The following ASAP1 variants were observed in gnomAD, a reference collection of about 807,000 sequenced individuals.
ASAP1 encodes arf-GAP with SH3 domain, ANK repeat and PH domain-containing protein 1.
A neutral mutation model predicts 145.2 loss-of-function variants in ASAP1; 43 were observed. That is an observed-to-expected ratio of 0.30 (90% CI 0.23 to 0.38). The LOEUF (loss-of-function observed/expected upper bound fraction) is 0.38. Ranked by LOEUF, ASAP1 falls within the 10% of genes least tolerant of loss-of-function variation. ASAP1 has a pLI of 1.00. For missense variants in ASAP1, 1,018 were observed against 1,355.3 expected (o/e 0.75, Z 3.91); for synonymous variants, 546 against 515.5 (o/e 1.06, Z -0.80).
chr8:130,139,574 C>T (rs1436634110), intron 13 of ASAP1, among the ~76,000 whole-genome samples: 3 of 151,868 alleles, frequency 2.0e-5, no homozygotes, highest in Admixed American at 6.6e-5. Flanking sequence ...ACTGAAAATA[C>T]AAAACTTAGC....
At chr8:130,137,729 C>T (rs572038515) in intron 13 of ASAP1, among the ~76,000 whole-genome samples, 1 of 152,300 alleles carries the variant, frequency 6.6e-6, no homozygotes, top group Admixed American at 6.5e-5. Context: ...TTTCATATAA[C>T]TTATCAGCAA....
At chr8:130,307,814 G>A (rs368685632) in intron 3 of ASAP1, among the ~76,000 whole-genome samples, 44 of 152,252 alleles carry the variant, frequency 2.9e-4, no homozygotes, top group Admixed American at 5.9e-4. Flanking sequence ...CGGTGATGGC[G>A]GAGCTTGAAA....
At chr8:130,368,135 T>G (rs1364297535) in intron 2 of ASAP1, among the ~76,000 whole-genome samples, 1 of 152,188 alleles carries the variant, frequency 6.6e-6, no homozygotes, top group East Asian at 1.9e-4. Context: ...TATTTTCTGG[T>G]TTTTTGTTTT....
At position 130,309,124 on chromosome 8, in the gene ASAP1, G is replaced by C. The variant is rs1311207260; in HGVS notation, c.186+48893C>G. Among the ~76,000 whole-genome samples the C allele has an allele frequency of 7.2e-5, 11 of 152,264 alleles. No individual in the cohort carries two copies. In the Middle Eastern group the frequency reaches 0.01, roughly 141 times the overall value. ...GAAGCACCTATCCATCAAAGAGTGG[G>C]CTAGGCAGGGGGATTATCCATTTGA... On this transcript the variant is annotated intron_variant, in intron 3 of 29. Coordinates refer to ENST00000518721, the MANE Select transcript of ASAP1 (RefSeq NM_018482.4).
At chr8:130,149,123 C>T (rs749275591) in intron 13 of ASAP1, among the ~76,000 whole-genome samples, 10 of 149,114 alleles carry the variant, frequency 6.7e-5, no homozygotes, top group Non-Finnish European at 1.2e-4. Context: ...GAGGCATGAG[C>T]GGATTACAGG....
intron 7 of ASAP1, among the ~76,000 whole-genome samples, chr8:130,182,261 C>G (rs1258641790): frequency 6.6e-6 from 1 of 152,070 alleles, no homozygotes; most frequent in Non-Finnish European, 1.5e-5. Context: ...AGTGATCCCA[C>G]TAAAATGAGA....
In ASAP1 at chr8:130,092,013, T is replaced by C; in HGVS notation, c.2532A>G (p.Pro844=). 2 of 1,563,102 alleles carry C rather than the reference T, an allele frequency of 1.3e-6. No individual in the cohort carries two copies. The highest frequency in any genetic ancestry group is 1.8e-4 in the Middle Eastern group (1 of 5,684). ...CTTTGTTTGGGGGCCCATGAGGTAGTGGGCTGGGAGGGTCGGATAGGGTTC... is the reference window on the plus strand; with the variant it reads ...CTTTGTTTGGGGGCCCATGAGGTAGCGGGCTGGGAGGGTCGGATAGGGTTC... The part of the protein sequence containing the change: ...HKRTLSDPPS[P]LPHGPPNKGA... Residue 844 remains proline (P), a synonymous_variant, in exon 25 of 30, where the codon CCA becomes CCG. Transcript: ENST00000518721.
intron 3 of ASAP1, among the ~76,000 whole-genome samples, chr8:130,340,597 T>A (rs1397109525): frequency 6.6e-6 from 1 of 152,224 alleles, no homozygotes; most frequent in African/African-American, 2.4e-5. Flanking sequence ...AAAATGTTCA[T>A]TCCACATCTC....
intron 12 of ASAP1, among the ~76,000 whole-genome samples, chr8:130,158,685 T>C (rs551744576): frequency 4.2e-4 from 63 of 151,696 alleles, no homozygotes; most frequent in Non-Finnish European, 3.7e-4. Context: ...TGAGATGCTA[T>C]ATGCAAAGGG....
intron 2 of ASAP1, among the ~76,000 whole-genome samples, chr8:130,388,918 T>G (rs1442242858): frequency 2.6e-5 from 4 of 152,196 alleles, no homozygotes; most frequent in Non-Finnish European, 5.9e-5. Flanking sequence ...GCAGCCAAGT[T>G]CCACTTCTGC....
intron 24 of ASAP1, among the ~76,000 whole-genome samples, chr8:130,107,103 T>C (rs1471463472): frequency 6.6e-6 from 1 of 151,964 alleles, no homozygotes; most frequent in Non-Finnish European, 1.5e-5. Context: ...ATCAGCAAGA[T>C]TGGCTCAATG....
At chr8:130,158,974 G>T (rs1003975509) in intron 12 of ASAP1, among the ~76,000 whole-genome samples, 3 of 151,974 alleles carry the variant, frequency 2.0e-5, no homozygotes, top group Non-Finnish European at 2.9e-5. Context: ...CTCGTGATCT[G>T]CCCACCTCGG....
intron 25 of ASAP1, chr8:130,084,737 T>C (rs186056544): frequency 6.6e-6 from 1 of 152,038 alleles, no homozygotes; most frequent in Admixed American, 6.6e-5. Context: ...ACTGGGACAA[T>C]GACAGTCCCA....
At chr8:130,286,131 A>T (rs189114477) in intron 3 of ASAP1, among the ~76,000 whole-genome samples, 1 of 152,230 alleles carries the variant, frequency 6.6e-6, no homozygotes. Flanking sequence ...TGAAGAAAAG[A>T]AGGCTCAGGG....
intron 1 of ASAP1, among the ~76,000 whole-genome samples, chr8:130,425,544 T>C (rs1337313925): frequency 6.6e-6 from 1 of 151,988 alleles, no homozygotes; most frequent in East Asian, 1.9e-4. Context: ...AAAAACAGCA[T>C]GGGTCTCATG....
chr8:130,157,881 C>G (rs772882411), intron 12 of ASAP1, among the ~76,000 whole-genome samples: 3 of 152,160 alleles, frequency 2.0e-5, no homozygotes, highest in Non-Finnish European at 4.4e-5. Context: ...CTCCGTAGCA[C>G]TAATTACCAT....
intron 3 of ASAP1, among the ~76,000 whole-genome samples, chr8:130,352,651 G>T (rs190476079): frequency 1.3e-5 from 2 of 152,166 alleles, no homozygotes; most frequent in Non-Finnish European, 2.9e-5. Flanking sequence ...CTGGCTGTAC[G>T]ACCTAGCTGG....
At chr8:130,225,088 T>C (rs1817514831) in intron 4 of ASAP1, among the ~76,000 whole-genome samples, 1 of 152,244 alleles carries the variant, frequency 6.6e-6, no homozygotes, top group East Asian at 1.9e-4. Context: ...TCCATTAACA[T>C]TTCCTTTTCT....
intron 17 of ASAP1, among the ~76,000 whole-genome samples, chr8:130,125,104 C>CT (rs1293129146): frequency 2.0e-5 from 3 of 152,096 alleles, no homozygotes; most frequent in Admixed American, 6.6e-5. Context: ...AGACTTTCAG[C>CT]TTTTTTTTGA....
Sources: gnomAD v4.1 joint callset for allele counts (sites outside exome capture counted in the v4.1 genomes callset) on GRCh38, gnomAD v4.1.1 for gene constraint, MANE v1.5 for transcripts, NCBI Gene and HGNC (gene_info 2026-07-23, HGNC 2026-07-21) for gene names.